Variants in MXI1 observed in about 807,000 individuals in gnomAD.
The protein encoded by MXI1 is MAX interactor 1, dimerization protein.
MXI1 carries 18 observed loss-of-function variants against 36.9 expected under a neutral mutation model. The ratio of observed to expected loss-of-function variants is 0.49; its 90% CI spans 0.34 to 0.72. The LOEUF (loss-of-function observed/expected upper bound fraction) is 0.72, where lower values mean the gene tolerates loss of function less well. MXI1 is among the 30% of genes least tolerant of loss of function. MXI1 has a pLI of 0.01. For synonymous variants in MXI1, 160 were observed against 146.7 expected (o/e 1.09, Z -0.65); for missense variants, 304 against 379.1 (o/e 0.80, Z 1.64).
chr10:110,217,285 A>C (rs1366069733), intron 1 of MXI1, among the ~76,000 whole-genome samples: 2 of 152,222 alleles, frequency 1.3e-5, no homozygotes, highest in Non-Finnish European at 2.9e-5. Flanking sequence ...TGAGAAATTC[A>C]AACTGAAGCC....
In MXI1 at chr10:110,251,010, TAAAAAAAAAA is replaced by T. The variant is rs60315131; in HGVS notation, c.437+6170_437+6179del. ...CAAGGAGAAGTGACTAAGTATTTGTTAAAAAAAAAAAAAAAAAAAAAAAAAAGAGAAGGAT... is the reference window on the plus strand; with the variant it reads ...CAAGGAGAAGTGACTAAGTATTTGTTAAAAAAAAAAAAAAAAGAGAAGGAT... On this transcript the variant is annotated intron_variant, in intron 3 of 5. Coordinates refer to ENST00000332674, the MANE Select transcript of MXI1 (RefSeq NM_130439.3). Among the ~76,000 whole-genome samples the T allele has an allele frequency of 5.6e-3, 310 of 54,990 alleles. 3 individuals carry two copies. The highest frequency in any genetic ancestry group is 0.029 in the African/African-American group (293 of 10,050). The allele number at this position is 54,990 out of a possible 152,430, so 36.1% of individuals were successfully genotyped here.
chr10:110,251,594 A>C (rs1207177928), intron 3 of MXI1, among the ~76,000 whole-genome samples: 1 of 152,194 alleles, frequency 6.6e-6, no homozygotes, highest in African/African-American at 2.4e-5. Flanking sequence ...AGAAAATACC[A>C]AAGTACACTG....
At chr10:110,217,914 G>A (rs990457531) in intron 1 of MXI1, among the ~76,000 whole-genome samples, 1 of 152,124 alleles carries the variant, frequency 6.6e-6, no homozygotes, top group Non-Finnish European at 1.5e-5. Context: ...CATTTACTAT[G>A]GGCCAGCACA....
At chr10:110,227,337 GGT>G (rs1197576283) in intron 1 of MXI1, 10 of 985,212 alleles carry the variant, frequency 1.0e-5, no homozygotes, top group African/African-American at 1.8e-5. Flanking sequence ...TGCGTGGGGA[GGT>G]GTGTGTGCTG....
intron 3 of MXI1, among the ~76,000 whole-genome samples, chr10:110,260,555 CTTCAT>C (rs1344557340): frequency 6.6e-6 from 1 of 151,802 alleles, no homozygotes; most frequent in Admixed American, 6.6e-5. Flanking sequence ...TAGAATCTCA[CTTCAT>C]TTAAAATTTG....
At chr10:110,262,016 T>G (rs1442730706) in intron 3 of MXI1, among the ~76,000 whole-genome samples, 1 of 152,096 alleles carries the variant, frequency 6.6e-6, no homozygotes. Context: ...CCAAGACATA[T>G]TAAATGAAAA....
At chr10:110,262,222 C>T (rs1351413827) in intron 3 of MXI1, among the ~76,000 whole-genome samples, 1 of 151,978 alleles carries the variant, frequency 6.6e-6, no homozygotes, top group East Asian at 1.9e-4. Flanking sequence ...GTCCTTATTC[C>T]CTAAACAATA....
intron 2 of MXI1, among the ~76,000 whole-genome samples, chr10:110,230,574 TGA>T (rs993723189): frequency 6.6e-6 from 1 of 152,216 alleles, no homozygotes; most frequent in Non-Finnish European, 1.5e-5. Flanking sequence ...CTGGGGCTTA[TGA>T]GAGAGAACTA....
At chr10:110,263,828 A>G (rs1368596754) in intron 3 of MXI1, among the ~76,000 whole-genome samples, 1 of 152,198 alleles carries the variant, frequency 6.6e-6, no homozygotes, top group African/African-American at 2.4e-5. Context: ...GGCCTGTAGA[A>G]TTATTTACAG....
At chr10:110,227,170 G>A in intron 1 of MXI1, among the ~76,000 whole-genome samples, 1 of 119,646 alleles carries the variant, frequency 8.4e-6, no homozygotes, top group Non-Finnish European at 1.8e-5. Flanking sequence ...CGCGTGTGTG[G>A]GGAGGGTCGC....
At chr10:110,266,603 C>T (rs1856685223) in intron 3 of MXI1, among the ~76,000 whole-genome samples, 3 of 152,294 alleles carry the variant, frequency 2.0e-5, no homozygotes, top group South Asian at 2.1e-4. Context: ...CCTTAGCCCT[C>T]CATAATTTCT....
rs1310002307 is a variant in MXI1 at position 110,215,031 on chromosome 10, G to GTTTTTTTTT, written c.274+6952_274+6960dup. On this transcript the variant is annotated intron_variant, in intron 1 of 5. Transcript: ENST00000332674. ...CCATTTTTCTTTCTGCTCCACTTCA[G>GTTTTTTTTT]TTTTTTTTTTTGTTTTTTTTTTTTT... Among the ~76,000 whole-genome samples the GTTTTTTTTT allele has an allele frequency of 9.0e-3, 885 of 97,938 alleles. 52 individuals carry two copies. The highest frequency in any genetic ancestry group is 0.035 in the East Asian group (101 of 2,912). The allele number at this position is 97,938 out of a possible 152,430, so 64.3% of individuals were successfully genotyped here.
chr10:110,230,817 CT>C (rs1855231002), intron 2 of MXI1, among the ~76,000 whole-genome samples: 1 of 152,110 alleles, frequency 6.6e-6, no homozygotes, highest in Non-Finnish European at 1.5e-5. Flanking sequence ...AGTTAGAAGA[CT>C]TACAGAAATT....
chr10:110,245,237 G>GTTCA (rs899207946), intron 3 of MXI1, among the ~76,000 whole-genome samples: 2 of 151,996 alleles, frequency 1.3e-5, no homozygotes, highest in South Asian at 2.1e-4. Context: ...TTTGTAATTT[G>GTTCA]TTCATTCATT....
chr10:110,268,702 G>A (rs1856761492), intron 3 of MXI1, among the ~76,000 whole-genome samples: 1 of 151,976 alleles, frequency 6.6e-6, no homozygotes, highest in Admixed American at 6.6e-5. Flanking sequence ...TGTTATGCTA[G>A]GCTGCCTCCA....
Position 110,224,353 on chromosome 10 carries a change from C to T in MXI1, c.275-3836C>T, listed in dbSNP as rs368038504. On this transcript the variant is annotated intron_variant, in intron 1 of 5. Transcript: ENST00000332674. Reference sequence around the variant, plus strand: ...AGATCCCTTGTTCCCAACTGGGGGACAGGGGAGGGATTTTGTGCCCCAGGA... The same window carrying T: ...AGATCCCTTGTTCCCAACTGGGGGATAGGGGAGGGATTTTGTGCCCCAGGA... 3.9e-4 allele frequency among the ~76,000 whole-genome samples: 60 copies of T among 152,280 alleles called. No homozygotes were observed. In the East Asian group the frequency reaches 9.3e-3, roughly 24 times the overall value.
intron 1 of MXI1, among the ~76,000 whole-genome samples, chr10:110,227,168 TGGGGAGGGTCGCGCGTGTGC>T (rs1187738583): frequency 9.5e-5 from 3 of 31,638 alleles, no homozygotes; most frequent in East Asian, 1.0e-3. Context: ...CGCGCGTGTG[TGGGGAGGGTCGCGCGTGTGC>T]GGGGAGGGTC....
At chr10:110,228,081 CTT>C in intron 1 of MXI1, 106 bp from the exon 2 acceptor site, 25 of 1,277,278 alleles carry the variant, frequency 2.0e-5, no homozygotes, top group Non-Finnish European at 2.7e-5. Context: ...CATTTTACCT[CTT>C]TTCCTGCTTT....
In MXI1 at chr10:110,228,045, A is replaced by C. The variant is rs987948552; in HGVS notation, c.275-144A>C. 4 of 880,708 alleles carry C rather than the reference A, an allele frequency of 4.5e-6. No individual in the cohort carries two copies. In the South Asian group the frequency reaches 6.5e-5, roughly 14 times the overall value. The allele number at this position is 880,708 out of a possible 1,614,324, so 54.6% of individuals were successfully genotyped here. A position where few individuals can be genotyped will look rare whatever the true frequency, so the allele number is the denominator to read the frequency against. On this transcript the variant is annotated intron_variant, in intron 1 of 5. Transcript: ENST00000332674. ...GATTGATGTCCAGGCGAGGGACATTAATTTTCTAACCAAAAAGAGTGGAAA... is the reference window on the plus strand; with the variant it reads ...GATTGATGTCCAGGCGAGGGACATTCATTTTCTAACCAAAAAGAGTGGAAA...
Sources: allele counts gnomAD v4.1 joint callset (sites outside exome capture counted in the v4.1 genomes callset), GRCh38; gene constraint gnomAD v4.1.1; transcripts MANE v1.5; gene names NCBI Gene and HGNC (gene_info 2026-07-23, HGNC 2026-07-21).